The following AMPD3 variants were observed in gnomAD, a reference collection of about 807,000 sequenced individuals.
AMPD3 encodes adenosine monophosphate deaminase 3.
A neutral mutation model predicts 82.3 loss-of-function variants in AMPD3; 57 were observed. That is an observed-to-expected ratio of 0.69 (90% confidence interval 0.56 to 0.86). The LOEUF (loss-of-function observed/expected upper bound fraction) is 0.86. AMPD3 is among the 40% of genes least tolerant of loss of function. The pLI, the probability that AMPD3 is intolerant of heterozygous loss-of-function variation, is 0.00. For synonymous variants in AMPD3, 381 were observed against 394.7 expected (o/e 0.97, Z 0.41); for missense variants, 870 against 1,003.8 (o/e 0.87, Z 1.80).
intron 2 of AMPD3, chr11:10,477,077 G>A (rs1848762485): frequency 1.0e-6 from 1 of 985,378 alleles, no homozygotes; most frequent in South Asian, 4.7e-5. Context: ...AAACACGGGA[G>A]GAGAACTGTG....
chr11:10,485,187 G>T, intron 5 of AMPD3, 148 bp downstream of exon 5: 1 of 736,840 alleles, frequency 1.4e-6, no homozygotes. Flanking sequence ...TCAGTGCTTT[G>T]CGGGTTTCTG....
rs201186962 is a variant in AMPD3, at chr11:10,485,055, C to T, written c.809+16C>T. ...ATGGCCCCACGTAAGCTAGCTTCTC[C>T]GCGGCTGCCTGTCTTTGCACAGGTG... is the stretch of plus-strand genomic sequence containing the variant. On this transcript the variant is annotated intron_variant, in intron 5 of 14. Coordinates refer to ENST00000396553, the MANE Select transcript of AMPD3 (RefSeq NM_001025389.2). The T allele has an allele frequency of 2.7e-5, 43 of 1,606,406 alleles. No homozygotes were observed. Among genetic ancestry groups the T allele is most frequent in the African/African-American group, 2.5e-4 (19 of 74,810 alleles).
At chr11:10,458,310 TC>T (rs1848161837) in intron 1 of AMPD3, among the ~76,000 whole-genome samples, 2 of 144,680 alleles carry the variant, frequency 1.4e-5, no homozygotes, top group African/African-American at 2.6e-5. Flanking sequence ...CCTCCCTCCC[TC>T]CCTTCGGCAA....
chr11:10,484,493 A>G, intron 4 of AMPD3: 1 of 985,362 alleles, frequency 1.0e-6, no homozygotes, highest in Non-Finnish European at 1.2e-6. Context: ...ATTTCAGTTA[A>G]ATTTTAAAAA....
At chr11:10,478,820 G>T (rs1848818938) in intron 3 of AMPD3, 90 bp downstream of exon 3, 1 of 1,378,884 alleles carries the variant, frequency 7.3e-7, no homozygotes, top group Non-Finnish European at 1.0e-6. Flanking sequence ...TCTGGAGCCT[G>T]GCCCTGTCCG....
chr11:10,496,783 C>G, intron 9 of AMPD3, 29 bp from the exon 10 acceptor site: 1 of 1,614,086 alleles, frequency 6.2e-7, no homozygotes, highest in Admixed American at 1.7e-5. Flanking sequence ...TTGGATCCAC[C>G]TGACAAGCGA....
intron 1 of AMPD3, among the ~76,000 whole-genome samples, chr11:10,457,649 C>A (rs1848136453): frequency 6.6e-6 from 1 of 152,176 alleles, no homozygotes. Context: ...TAATCCTAGA[C>A]CCTGGGAGGC....
chr11:10,451,966 A>G (rs1193103516), upstream of AMPD3, among the ~76,000 whole-genome samples: 1 of 152,178 alleles, frequency 6.6e-6, no homozygotes, highest in East Asian at 1.9e-4. Context: ...GGTCTGGGGT[A>G]GTTGGCCTGG....
At chr11:10,476,902 G>T in intron 2 of AMPD3, 2 of 971,674 alleles carry the variant, frequency 2.1e-6, no homozygotes, top group South Asian at 9.6e-5. Flanking sequence ...TGAGTTTCCC[G>T]AAGCAGTCCA....
intron 5 of AMPD3, chr11:10,486,540 T>G: frequency 1.0e-6 from 1 of 984,342 alleles, no homozygotes; most frequent in Middle Eastern, 5.2e-4. Context: ...GGTGGGAATC[T>G]GGGGGCATCA....
At position 10,495,016 on chromosome 11, in the gene AMPD3, G is replaced by C; in HGVS notation, c.1252G>C (p.Ala418Pro). 2.5e-6 allele frequency: 4 copies of C among 1,614,202 alleles called. No homozygotes were observed. The highest frequency in any genetic ancestry group is 3.4e-6 in the Non-Finnish European group (4 of 1,180,018). The change falls in exon 8 of 15, where the codon GCT (alanine) becomes CCT (proline). Residue 418 changes from alanine to proline, a missense_variant. By Grantham distance (27) the Ala-to-Pro change is conservative. Transcript: ENST00000396553. ...TENYLGGEYF[A>P]RMVKEVAREL... ...AAACTATCTGGGAGGAGAGTACTTT[G>C]CTCGGATGGTCAAGGTGAGTGAACC...
chr11:10,501,340 G>T, intron 11 of AMPD3, 130 bp from the exon 12 acceptor site: 3 of 1,470,402 alleles, frequency 2.0e-6, no homozygotes, highest in South Asian at 1.4e-5. Context: ...AGTTTCCAGG[G>T]TGCACTGGGT....
intron 11 of AMPD3, chr11:10,500,761 T>G (rs1849556374): frequency 1.0e-6 from 1 of 985,300 alleles, no homozygotes; most frequent in African/African-American, 1.7e-5. Flanking sequence ...ACTAAATCCA[T>G]GCATGCCCTT....
chr11:10,461,457 T>A, intron 1 of AMPD3, 58 bp from the exon 2 acceptor site: 1 of 1,612,422 alleles, frequency 6.2e-7, no homozygotes, highest in East Asian at 2.2e-5. Context: ...TGCCTTCTCT[T>A]CCCCGGTGCT....
intron 10 of AMPD3, 85 bp from the exon 11 acceptor site, chr11:10,500,001 C>T (rs1337335454): frequency 2.8e-5 from 44 of 1,587,302 alleles, no homozygotes; most frequent in Non-Finnish European, 3.8e-5. Flanking sequence ...CCACAGGCCT[C>T]TGGCAGCTAT....
At chr11:10,478,897 G>T (rs1163879283) in intron 3 of AMPD3, among the ~76,000 whole-genome samples, 167 bp downstream of exon 3, 1 of 152,130 alleles carries the variant, frequency 6.6e-6, no homozygotes, top group Non-Finnish European at 1.5e-5. Flanking sequence ...AGGTTGTGGG[G>T]TGTGGGTGTG....
chr11:10,465,840 T>C (rs1231892206), intron 2 of AMPD3, among the ~76,000 whole-genome samples: 2 of 149,950 alleles, frequency 1.3e-5, no homozygotes, highest in East Asian at 3.9e-4. Flanking sequence ...TTTTTTTTTT[T>C]CTGTACCCCA....
At position 10,495,040 on chromosome 11, in the gene AMPD3, C is replaced by T. The variant is rs1388188681; in HGVS notation, c.1266+10C>T. 2 of 1,613,980 alleles carry T rather than the reference C, an allele frequency of 1.2e-6. No individual in the cohort carries two copies. Among genetic ancestry groups the T allele is most frequent in the Non-Finnish European group, 1.7e-6 (2 of 1,179,968 alleles). ...TGCTCGGATGGTCAAGGTGAGTGAA[C>T]CCTCAGTCTCTCTGAGGCCTCTCAG... On this transcript the variant is annotated intron_variant, in intron 8 of 14. Coordinates refer to ENST00000396553, the MANE Select transcript of AMPD3 (RefSeq NM_001025389.2).
chr11:10,466,407 T>G (rs1427181649), intron 2 of AMPD3, among the ~76,000 whole-genome samples: 1 of 152,080 alleles, frequency 6.6e-6, no homozygotes, highest in East Asian at 1.9e-4. Context: ...ACCCTCACAG[T>G]GTAAACAAAG....
Sources: gnomAD v4.1 joint callset for allele counts (sites outside exome capture counted in the v4.1 genomes callset) on GRCh38, gnomAD v4.1.1 for gene constraint, MANE v1.5 for transcripts, NCBI Gene and HGNC (gene_info 2026-07-23, HGNC 2026-07-21) for gene names.